LTBR: variants seen among roughly 807,000 people sequenced by gnomAD.
LTBR encodes tumor necrosis factor receptor superfamily member 3.
A neutral mutation model predicts 45.4 loss-of-function variants in LTBR; 15 were observed. The observed-to-expected ratio is 0.33, with a 90% CI of 0.22 to 0.51. The LOEUF is 0.51. Among genes scored for constraint, LTBR ranks in the 20% least tolerant of loss-of-function variants. The probability of loss-of-function intolerance (pLI) is 0.97; values close to 1 mark genes in which losing one functional copy is unlikely to be tolerated. For synonymous variants in LTBR, 228 were observed against 231.0 expected, an observed-to-expected ratio of 0.99 and a Z score of 0.12; for missense variants, 450 against 565.5, an observed-to-expected ratio of 0.80 and a Z score of 2.07.
At chr12:6,384,872 C>A (rs892788390) in intron 2 of LTBR, 150 bp from the exon 3 acceptor site, 17 of 1,131,654 alleles carry the variant, frequency 1.5e-5, no homozygotes, top group Non-Finnish European at 2.2e-5. Flanking sequence ...CCTCCTCTTT[C>A]CTTACCTCAC....
intron 1 of LTBR, chr12:6,375,823 C>T: frequency 7.4e-7 from 1 of 1,354,600 alleles, no homozygotes; most frequent in Non-Finnish European, 9.4e-7. Context: ...GAGGGCAACA[C>T]AAGGAGAAGG....
Position 6,391,363 on chromosome 12 carries a change from A to G in LTBR, c.*426A>G, listed in dbSNP as rs1949112060. On this transcript the variant is annotated 3_prime_UTR_variant, in exon 10 of 10. Coordinates refer to ENST00000228918, the MANE Select transcript of LTBR (RefSeq NM_002342.3). The stretch of plus-strand genomic sequence containing the variant: ...GAGACCCTTTGGGGTTCCACACTTC[A>G]CGTGGACTGAGGTAGACCCTGCATG... The G allele has an allele frequency of 6.4e-6, 1 of 156,944 alleles. No individual in the cohort carries two copies. Among genetic ancestry groups the G allele is most frequent in the African/African-American group, 2.4e-5 (1 of 41,666 alleles). 9.7% of individuals were successfully genotyped at this position (156,944 alleles called of 1,614,324 possible). A position where few individuals can be genotyped will look rare whatever the true frequency, so the allele number is the denominator to read the frequency against.
intron 4 of LTBR, chr12:6,385,643 A>G: frequency 5.9e-6 from 3 of 506,066 alleles, no homozygotes; most frequent in Non-Finnish European, 1.1e-5. Flanking sequence ...GTGGTGGCCC[A>G]CGCCTGTAAT....
At chr12:6,383,494 AGGTCCAGCCTGCT>A (rs1423977680), upstream of LTBR, among the ~76,000 whole-genome samples, 1 of 152,144 alleles carries the variant, frequency 6.6e-6, no homozygotes, top group East Asian at 1.9e-4. Context: ...CTGAGTGCCC[AGGTCCAGCCTGCT>A]GGCCCCAGGA....
intron 8 of LTBR, chr12:6,389,802 C>CAA (rs71067110): frequency 1.4e-3 from 146 of 104,192 alleles, no homozygotes; most frequent in Middle Eastern, 5.3e-3. Flanking sequence ...GACTCTGTCT[C>CAA]AAAAAAAAAA....
At position 6,384,267 on chromosome 12, in the gene LTBR, C is replaced by T. The variant is rs538051149; in HGVS notation, c.-92C>T. On this transcript the variant is annotated 5_prime_UTR_variant, in exon 1 of 10. Coordinates refer to ENST00000228918, the MANE Select transcript of LTBR (RefSeq NM_002342.3). ...TGAGTCCCGTCCCAGGCTCTGGGCT[C>T]GGGCAGCCGCCGCCACCGCTGCCCA... The T allele has an allele frequency of 4.2e-6, 6 of 1,418,600 alleles. No homozygotes were observed. The South Asian group carries it at 6.1e-5, about 14-fold the overall frequency. The allele number at this position is 1,418,600 out of a possible 1,614,324, so 87.9% of individuals were successfully genotyped here.
At chr12:6,390,571 G>T (rs901571702) in intron 9 of LTBR, 89 bp from the exon 10 acceptor site, 9 of 1,349,104 alleles carry the variant, frequency 6.7e-6, no homozygotes, top group Admixed American at 4.6e-5. Flanking sequence ...CGGGGCCAGG[G>T]GAAAGGCGAG....
intron 1 of LTBR, chr12:6,377,121 A>G: frequency 1.5e-6 from 1 of 656,786 alleles, no homozygotes; most frequent in Non-Finnish European, 2.6e-6. Context: ...CAGGCAAAGA[A>G]GAGAAAAGGC....
At chr12:6,380,213 AC>A (rs75736034), upstream of LTBR, among the ~76,000 whole-genome samples, 50,135 of 151,916 alleles carry the variant, frequency 0.33, 9,615 homozygotes, top group East Asian at 0.61. Flanking sequence ...GGGCAAAGTC[AC>A]CCCCGTTGAA....
At chr12:6,387,849 C>T (rs972153145) in intron 6 of LTBR, 6 of 455,280 alleles carry the variant, frequency 1.3e-5, no homozygotes, top group Middle Eastern at 3.3e-4. Flanking sequence ...CTCTACCAGG[C>T]GGCCACAGGC....
chr12:6,386,206 C>T lies in LTBR; in HGVS notation c.569+44C>T, dbSNP rs770626056. Reference sequence around the variant, plus strand: ...AAGCTCCTTCCACCCTCTGAGAAGCCTCAGCTGCTAACAACCCCCAGCGCC... The same window carrying T: ...AAGCTCCTTCCACCCTCTGAGAAGCTTCAGCTGCTAACAACCCCCAGCGCC... On this transcript the variant is annotated intron_variant, in intron 5 of 9. Transcript: ENST00000228918. This position sits in a 1 kb window ranked among gnomAD's most constrained non-coding sequence, Gnocchi z 4.1. The T allele has an allele frequency of 7.7e-6, 12 of 1,555,750 alleles. No individual in the cohort carries two copies. The highest frequency in any genetic ancestry group is 1.8e-4 in the Middle Eastern group (1 of 5,650).
At chr12:6,389,871 C>T (rs957596331) in intron 8 of LTBR, 2 of 463,194 alleles carry the variant, frequency 4.3e-6, no homozygotes, top group Non-Finnish European at 7.8e-6. Flanking sequence ...TAGAGGATCA[C>T]TTGAGTCCAA....
chr12:6,386,071 GT>G lies in LTBR; in HGVS notation c.480del (p.Lys162ArgfsTer53), dbSNP rs1435459178. On this transcript the variant is annotated frameshift_variant, in exon 5 of 10. Transcript: ENST00000228918. LOFTEE classifies it high-confidence loss of function. The surrounding 1 kb of genome is among the most constrained non-coding windows in gnomAD (Gnocchi z 4.1). ...PGTEAELKDE[V>X]GKGNNHCVPC... ...GCCTGCCTTTCTCTTGCCAGATGAA[GT>G]TGGGAAGGGTAACAACCACTGCGTC... 1 of 1,613,238 alleles carries G rather than the reference GT, an allele frequency of 6.2e-7. No homozygotes were observed. The highest frequency in any genetic ancestry group is 1.7e-5 in the Admixed American group (1 of 60,008).
intron 6 of LTBR, chr12:6,387,567 C>T (rs1225371002): frequency 5.9e-6 from 1 of 169,150 alleles, no homozygotes; most frequent in Non-Finnish European, 1.3e-5. Flanking sequence ...CTCCCCAGGC[C>T]TCCCATCCCA....
chr12:6,385,057 G>A lies in LTBR; in HGVS notation c.229G>A (p.Asp77Asn). The change falls in exon 3 of 10, where the codon GAC becomes AAC. Residue 77 changes from aspartate (D) to asparagine (N), a missense_variant. Transcript: ENST00000228918. ...CTCAGCTAAATGTAGCCGCATCCGG[G>A]ACACAGTTTGTGCCACATGTGCCGA... ...YVSAKCSRIR[D>N]TVCATCAENS... The A allele has an allele frequency of 1.2e-6, 2 of 1,614,208 alleles. No individual in the cohort carries two copies. The highest frequency in any genetic ancestry group is 1.7e-6 in the Non-Finnish European group (2 of 1,180,030).
chr12:6,379,455 G>A (rs900021723), upstream of LTBR, among the ~76,000 whole-genome samples: 1 of 152,172 alleles, frequency 6.6e-6, no homozygotes, highest in African/African-American at 2.4e-5. Flanking sequence ...TTAGTTAAAT[G>A]CAACTCTTTA....
rs760196899 is a variant in LTBR, at chr12:6,386,312, G to T, written c.570-35G>T. On this transcript the variant is annotated intron_variant, in intron 5 of 9. Coordinates refer to ENST00000228918, the MANE Select transcript of LTBR (RefSeq NM_002342.3). The surrounding 1 kb of genome is among the most constrained non-coding windows in gnomAD (Gnocchi z 4.1). ...GGAGTCGGGACACTGGTGGGCCAGG[G>T]CGTGAAAAGGTCATCATCTTTTTTT... is the stretch of plus-strand genomic sequence containing the variant. The T allele has an allele frequency of 2.5e-6, 4 of 1,582,406 alleles. No individual in the cohort carries two copies. Among genetic ancestry groups the T allele is most frequent in the Non-Finnish European group, 3.5e-6 (4 of 1,152,344 alleles).
At position 6,390,642 on chromosome 12, in the gene LTBR, C is replaced by G; in HGVS notation, c.1031-18C>G. 1 of 1,500,530 alleles carries G rather than the reference C, an allele frequency of 6.7e-7. No individual in the cohort carries two copies. The highest frequency in any genetic ancestry group is 8.9e-7 in the Non-Finnish European group (1 of 1,125,540). The allele number at this position is 1,500,530 out of a possible 1,614,324, so 93.0% of individuals were successfully genotyped here. The stretch of plus-strand genomic sequence containing the variant: ...CTGGGGGCCTTCCTTCCTCAACACT[C>G]TGCCTCCCTTCCTACAGGTACCAAT... On this transcript the variant is annotated intron_variant, in intron 9 of 9. Coordinates refer to ENST00000228918, the MANE Select transcript of LTBR (RefSeq NM_002342.3).
chr12:6,375,258 C>A (rs571660455), upstream of LTBR: 43 of 1,438,074 alleles, frequency 3.0e-5, no homozygotes, highest in Admixed American at 1.2e-3. Flanking sequence ...CTCTTTCTGG[C>A]CTGCCTCCTC....
Sources: gnomAD v4.1 joint callset for allele counts (sites outside exome capture counted in the v4.1 genomes callset) on GRCh38, gnomAD v4.1.1 for gene constraint, Gnocchi (gnomAD v3.1) non-coding constraint, MANE v1.5 for transcripts, NCBI Gene and HGNC (gene_info 2026-07-23, HGNC 2026-07-21) for gene names.